GPHN: variants seen among roughly 807,000 people sequenced by gnomAD.
The protein encoded by GPHN is gephyrin.
GPHN carries 17 observed loss-of-function variants against 95.5 expected under a neutral mutation model. The ratio of observed to expected loss-of-function variants is 0.18; its 90% CI spans 0.12 to 0.27. GPHN has a LOEUF of 0.27. GPHN is among the 10% of genes least tolerant of loss of function. The pLI is 1.00. For synonymous variants in GPHN, 320 were observed against 322.5 expected, an observed-to-expected ratio of 0.99 and a Z score of 0.08; for missense variants, 660 against 978.1, an observed-to-expected ratio of 0.67 and a Z score of 4.34.
In GPHN at chr14:66,739,341, C is replaced by T. The variant is rs576562861; in HGVS notation, c.144-37123C>T. On this transcript the variant is annotated intron_variant, in intron 2 of 22. Coordinates refer to ENST00000478722, the MANE Select transcript of GPHN (RefSeq NM_020806.5). The stretch of plus-strand genomic sequence containing the variant: ...ATGCCATTCTCCTGCCTCAGCCTCC[C>T]GAGTAGCTAGGACAACAGGCACCCG... Among the ~76,000 whole-genome samples the T allele has an allele frequency of 5.3e-5, 8 of 151,322 alleles. No individual in the cohort carries two copies. The East Asian group carries it at 9.8e-4, about 18-fold the overall frequency.
chr14:67,344,594 C>G, the GPHN span, among the ~76,000 whole-genome samples: 246 of 152,154 alleles, frequency 1.6e-3, no homozygotes, highest in African/African-American at 5.7e-3. Flanking sequence ...AAGAGTGAAA[C>G]TGGGCTGGGT....
chr14:67,127,050 A>G (rs2079363837), intron 17 of GPHN, among the ~76,000 whole-genome samples: 1 of 142,944 alleles, frequency 7.0e-6, no homozygotes, highest in Non-Finnish European at 1.5e-5. Context: ...GAACAATGAG[A>G]TCACATGGAC....
intron 1 of GPHN, among the ~76,000 whole-genome samples, chr14:66,521,655 G>C (rs1443673398): frequency 1.3e-5 from 2 of 152,034 alleles, no homozygotes; most frequent in Non-Finnish European, 2.9e-5. Context: ...GGGCAAGAGG[G>C]CTCCCTCAAG....
the GPHN span, chr14:67,473,452 C>A: frequency 6.2e-7 from 1 of 1,614,168 alleles, no homozygotes; most frequent in Non-Finnish European, 8.5e-7. The surrounding 1 kb of genome is among the most constrained non-coding windows in gnomAD (Gnocchi z 6.5). Context: ...TTGGCCAGGG[C>A]TAGGGCGCCG....
At chr14:67,722,796 G>T in the GPHN span, 1 of 1,129,936 alleles carries the variant, frequency 8.9e-7, no homozygotes, top group Non-Finnish European at 1.4e-6. Flanking sequence ...AAGAGAAAGG[G>T]AAGGAGGCTG....
At chr14:66,848,902 T>C (rs2153514419) in intron 4 of GPHN, among the ~76,000 whole-genome samples, 1 of 152,068 alleles carries the variant, frequency 6.6e-6, no homozygotes, top group Admixed American at 6.6e-5. Context: ...GAGCACACCA[T>C]ATATACTGGT....
chr14:67,675,458 G>A, the GPHN span, among the ~76,000 whole-genome samples: 1 of 152,060 alleles, frequency 6.6e-6, no homozygotes, highest in Non-Finnish European at 1.5e-5. Flanking sequence ...CAAGTGGAGC[G>A]AGATCTTGTC....
chr14:66,663,821 G>A (rs2065793460), intron 1 of GPHN, among the ~76,000 whole-genome samples: 1 of 134,508 alleles, frequency 7.4e-6, no homozygotes, highest in African/African-American at 3.6e-5. Flanking sequence ...AAAAAAGCAG[G>A]GGTTGCAATC....
intron 2 of GPHN, among the ~76,000 whole-genome samples, chr14:66,681,778 C>T (rs1283448531): frequency 1.3e-5 from 2 of 151,758 alleles, no homozygotes; most frequent in Non-Finnish European, 2.9e-5. Flanking sequence ...ATTTTTTTTA[C>T]ACTTTTATAT....
chr14:66,941,717 C>T lies in GPHN; in HGVS notation c.828+17425C>T, dbSNP rs368660673. On this transcript the variant is annotated intron_variant, in intron 8 of 22. Coordinates refer to ENST00000478722, the MANE Select transcript of GPHN (RefSeq NM_020806.5). ...AAAAAACTTGTTTCTCCAATTGCAT[C>T]CTGTTGCAAAAGAAAATGGACTTTT... is the stretch of plus-strand genomic sequence containing the variant. Among the ~76,000 whole-genome samples, 415 of 152,054 alleles carry T rather than the reference C, an allele frequency of 2.7e-3. 8 individuals are homozygous for T. The highest frequency in any genetic ancestry group is 9.5e-3 in the African/African-American group (394 of 41,438).
chr14:66,943,199 C>G (rs1316753867), intron 8 of GPHN, among the ~76,000 whole-genome samples: 1 of 152,136 alleles, frequency 6.6e-6, no homozygotes, highest in Non-Finnish European at 1.5e-5. Context: ...TAACACTAGG[C>G]AAGAATTTAC....
the GPHN span, chr14:67,650,715 G>A: frequency 6.2e-7 from 1 of 1,613,534 alleles, no homozygotes; most frequent in Non-Finnish European, 8.5e-7. Flanking sequence ...GTTCTTCCAG[G>A]GTTGCTATCA....
chr14:66,623,835 G>A (rs1250439128), intron 1 of GPHN, among the ~76,000 whole-genome samples: 1 of 152,070 alleles, frequency 6.6e-6, no homozygotes, highest in African/African-American at 2.4e-5. Context: ...TTGGTCCCAT[G>A]TGGGAAGGGA....
intron 4 of GPHN, among the ~76,000 whole-genome samples, chr14:66,854,440 G>T (rs543190161): frequency 5.2e-4 from 79 of 152,246 alleles, no homozygotes; most frequent in African/African-American, 1.6e-3. Context: ...ATCCATAAAT[G>T]GGGGGATTAT....
At chr14:66,982,515 A>G (rs908746754) in intron 9 of GPHN, among the ~76,000 whole-genome samples, 2 of 152,190 alleles carry the variant, frequency 1.3e-5, no homozygotes, top group Non-Finnish European at 2.9e-5. Flanking sequence ...GAATATTTCT[A>G]AGGAATACTT....
chr14:67,454,926 T>C, the GPHN span, among the ~76,000 whole-genome samples: 1 of 151,672 alleles, frequency 6.6e-6, no homozygotes, highest in Non-Finnish European at 1.5e-5. Flanking sequence ...CAGGCTAGAG[T>C]GCAACCTCTG....
chr14:67,387,343 T>G, the GPHN span: 1 of 1,610,302 alleles, frequency 6.2e-7, no homozygotes, highest in Non-Finnish European at 8.5e-7. Flanking sequence ...GTTAGCTTTT[T>G]GATAGCTTCA....
At chr14:66,963,675 A>G (rs941960933) in intron 8 of GPHN, among the ~76,000 whole-genome samples, 2 of 152,116 alleles carry the variant, frequency 1.3e-5, no homozygotes, top group Non-Finnish European at 2.9e-5. Flanking sequence ...ACAATTCAGT[A>G]CTCAAATATG....
chr14:66,517,399 A>G (rs1435765755), intron 1 of GPHN, among the ~76,000 whole-genome samples: 1 of 152,202 alleles, frequency 6.6e-6, no homozygotes, highest in African/African-American at 2.4e-5. Flanking sequence ...TATCAATGAC[A>G]TTCTATACCA....
Sources: allele counts gnomAD v4.1 joint callset (sites outside exome capture counted in the v4.1 genomes callset), GRCh38; gene constraint gnomAD v4.1.1; non-coding constraint Gnocchi (gnomAD v3.1); transcripts MANE v1.5; gene names NCBI Gene and HGNC (gene_info 2026-07-23, HGNC 2026-07-21).